The following CLMP variants were observed in gnomAD, a reference collection of about 807,000 sequenced individuals.
CLMP encodes CXADR like cell adhesion molecule, also known as CXADR-like membrane protein.
CLMP carries 27 observed loss-of-function variants against 45.2 expected under a neutral mutation model. The observed-to-expected ratio is 0.60, with a 90% CI of 0.44 to 0.82. The LOEUF (loss-of-function observed/expected upper bound fraction) is 0.82. Among genes scored for constraint, CLMP ranks in the 40% least tolerant of loss-of-function variants. The pLI, the probability that CLMP is intolerant of heterozygous loss-of-function variation, is 0.00. For missense variants in CLMP, 403 were observed against 448.4 expected, an observed-to-expected ratio of 0.90 and a Z score of 0.91; for synonymous variants, 167 against 171.4, an observed-to-expected ratio of 0.97 and a Z score of 0.20.
intron 1 of CLMP, among the ~76,000 whole-genome samples, chr11:123,152,721 G>A (rs1157536048): frequency 1.6e-5 from 2 of 128,742 alleles, no homozygotes; most frequent in African/African-American, 6.4e-5. Flanking sequence ...GCACCCCCAG[G>A]GGAAAAAATA....
intron 1 of CLMP, among the ~76,000 whole-genome samples, chr11:123,190,033 T>A (rs1185485827): frequency 6.6e-6 from 1 of 150,518 alleles, no homozygotes; most frequent in African/African-American, 2.4e-5. Context: ...ACAAAGCTCC[T>A]GCTTACAAAT....
At chr11:123,155,917 G>A (rs894601861) in intron 1 of CLMP, among the ~76,000 whole-genome samples, 10 of 152,172 alleles carry the variant, frequency 6.6e-5, no homozygotes, top group South Asian at 2.1e-4. Context: ...AGGCCCACAT[G>A]GGGAGGAACT....
In CLMP at chr11:123,070,179, G is replaced by A. The variant is rs1865656265; in HGVS notation, c.*3295C>T. Reference sequence around the variant, plus strand: ...ATGTCCACATCATTCCATCTGCATCGTCTTCCTACAAACAGTTTTTCTTCT... The same window carrying A: ...ATGTCCACATCATTCCATCTGCATCATCTTCCTACAAACAGTTTTTCTTCT... On this transcript the variant is annotated 3_prime_UTR_variant, in exon 7 of 7. Transcript: ENST00000448775. 6.6e-6 allele frequency: 1 copy of A among 152,052 alleles called. No individual in the cohort carries two copies. The highest frequency in any genetic ancestry group is 6.6e-5 in the Admixed American group (1 of 15,256). 9.4% of individuals were successfully genotyped at this position (152,052 alleles called of 1,614,324 possible). A position where few individuals can be genotyped will look rare whatever the true frequency, so the allele number is the denominator to read the frequency against.
intron 1 of CLMP, among the ~76,000 whole-genome samples, chr11:123,125,490 T>TCCC (rs1860876561): frequency 1.7e-4 from 10 of 58,858 alleles, no homozygotes; most frequent in Admixed American, 4.7e-4. Context: ...CCCTCCCTCC[T>TCCC]TCCTCCCTTC....
chr11:123,182,797 A>G (rs527497739), intron 1 of CLMP, among the ~76,000 whole-genome samples: 2 of 152,270 alleles, frequency 1.3e-5, no homozygotes, highest in African/African-American at 4.8e-5. Flanking sequence ...GACGCAAGAA[A>G]GGCTTAACCG....
intron 1 of CLMP, among the ~76,000 whole-genome samples, chr11:123,108,851 C>G (rs1296102931): frequency 1.3e-5 from 2 of 151,806 alleles, no homozygotes; most frequent in East Asian, 1.9e-4. Context: ...GTCGGGAGTT[C>G]GAGACCAGCC....
In CLMP at chr11:123,083,856, A is replaced by G. The variant is rs1482533127; in HGVS notation, c.389-9T>C. 6.2e-7 allele frequency: 1 copy of G among 1,612,010 alleles called. No homozygotes were observed. On this transcript the variant is annotated splice_polypyrimidine_tract_variant and intron_variant, in intron 3 of 6. Coordinates refer to ENST00000448775, the MANE Select transcript of CLMP (RefSeq NM_024769.5). The stretch of plus-strand genomic sequence containing the variant: ...GGGCTTGGATGGTCTCACTGGCAAC[A>G]GCAACAACAAGCAAAAGTGTAGTGA...
At chr11:123,158,921 A>G (rs1861449855) in intron 1 of CLMP, among the ~76,000 whole-genome samples, 2 of 152,234 alleles carry the variant, frequency 1.3e-5, no homozygotes, top group South Asian at 4.1e-4. Flanking sequence ...GAGAATGTTC[A>G]GTGAATATTA....
chr11:123,154,343 G>A (rs1464930783), intron 1 of CLMP, among the ~76,000 whole-genome samples: 1 of 152,172 alleles, frequency 6.6e-6, no homozygotes, highest in Non-Finnish European at 1.5e-5. Flanking sequence ...CTAAATAGCT[G>A]TAGAACCTAT....
At chr11:123,192,823 C>G (rs2135555451) in intron 1 of CLMP, among the ~76,000 whole-genome samples, 1 of 152,268 alleles carries the variant, frequency 6.6e-6, no homozygotes, top group South Asian at 2.1e-4. Flanking sequence ...ACCATGCCAG[C>G]CAGGATCAGA....
At chr11:123,169,077 A>C (rs1167243865) in intron 1 of CLMP, among the ~76,000 whole-genome samples, 1 of 152,162 alleles carries the variant, frequency 6.6e-6, no homozygotes, top group Non-Finnish European at 1.5e-5. Context: ...TTGCACTCTG[A>C]AAATGAGGTG....
chr11:123,092,557 A>G (rs1414679680), intron 2 of CLMP, among the ~76,000 whole-genome samples: 1 of 152,042 alleles, frequency 6.6e-6, no homozygotes, highest in Non-Finnish European at 1.5e-5. Flanking sequence ...TGGCCTCCCA[A>G]AGTGCTGGGA....
chr11:123,077,813 G>A (rs1203728068), intron 5 of CLMP, among the ~76,000 whole-genome samples: 3 of 152,076 alleles, frequency 2.0e-5, no homozygotes, highest in Non-Finnish European at 4.4e-5. Flanking sequence ...TTTTCACAAT[G>A]GAAAATAATA....
chr11:123,110,688 C>T (rs543776754), intron 1 of CLMP, among the ~76,000 whole-genome samples: 3 of 152,026 alleles, frequency 2.0e-5, no homozygotes, highest in South Asian at 2.1e-4. Context: ...CAAGGGGGGC[C>T]GGATATTGAG....
intron 2 of CLMP, among the ~76,000 whole-genome samples, chr11:123,087,301 C>T (rs2135472102): frequency 6.6e-6 from 1 of 151,856 alleles, no homozygotes; most frequent in South Asian, 2.1e-4. Flanking sequence ...CACGGCATTG[C>T]ACTGCAGTCT....
rs550468113 is a variant in CLMP, at chr11:123,103,864, C to G, written c.29-5912G>C. On this transcript the variant is annotated intron_variant, in intron 1 of 6. Coordinates refer to ENST00000448775, the MANE Select transcript of CLMP (RefSeq NM_024769.5). ...TTTTTTTTTGAGACAGAGTGTCACT[C>G]TGTTGCCCAGGCTAGAGTGCAGTCG... 4.8e-5 allele frequency among the ~76,000 whole-genome samples: 7 copies of G among 146,378 alleles called. No homozygotes were observed. The South Asian group carries it at 1.1e-3, about 22-fold the overall frequency.
chr11:123,090,654 A>G (rs1000587486), intron 2 of CLMP, among the ~76,000 whole-genome samples: 1 of 152,150 alleles, frequency 6.6e-6, no homozygotes, highest in Non-Finnish European at 1.5e-5. Context: ...CATTTTTATT[A>G]GCCTGGTTCT....
At chr11:123,176,057 G>A (rs1861695114) in intron 1 of CLMP, among the ~76,000 whole-genome samples, 1 of 152,158 alleles carries the variant, frequency 6.6e-6, no homozygotes, top group African/African-American at 2.4e-5. Flanking sequence ...TATAAAATAA[G>A]GTGTTATTAA....
At chr11:123,074,927 A>G (rs554265698) in intron 5 of CLMP, 84 bp from the exon 6 acceptor site, 15 of 1,449,106 alleles carry the variant, frequency 1.0e-5, no homozygotes, top group Non-Finnish European at 1.3e-5. Flanking sequence ...TAAGCTCTGG[A>G]CAGAATGAGT....
Sources: gnomAD v4.1 joint callset for allele counts (sites outside exome capture counted in the v4.1 genomes callset) on GRCh38, gnomAD v4.1.1 for gene constraint, MANE v1.5 for transcripts, NCBI Gene and HGNC (gene_info 2026-07-23, HGNC 2026-07-21) for gene names.